Variants in BLVRA observed in about 807,000 individuals in gnomAD.
BLVRA encodes the protein biliverdin reductase A.
Under a neutral mutation model 32.8 loss-of-function variants are expected in BLVRA, and 22 were observed. The observed-to-expected ratio is 0.67, with a 90% CI of 0.48 to 0.96. The LOEUF (loss-of-function observed/expected upper bound fraction) is 0.96. Ranked by LOEUF, BLVRA falls within the 40% of genes least tolerant of loss-of-function variation. BLVRA has a pLI of 0.00. For missense variants in BLVRA, 323 were observed against 358.1 expected (o/e 0.90, Z 0.79); for synonymous variants, 119 against 141.3 (o/e 0.84, Z 1.12).
intron 1 of BLVRA, 105 bp downstream of exon 1, chr7:43,758,839 G>T (rs1473488125): frequency 6.6e-6 from 1 of 151,566 alleles, no homozygotes; most frequent in African/African-American, 2.4e-5. Context: ...GCCCGCAGGA[G>T]GCCCGGGCCC....
chr7:43,792,585 C>A, intron 4 of BLVRA, 130 bp from the exon 5 acceptor site: 2 of 864,998 alleles, frequency 2.3e-6, no homozygotes, highest in Non-Finnish European at 1.9e-6. Context: ...CTGACTCCTA[C>A]CCCCAGTCAT....
At chr7:43,788,682 G>C (rs535613905) in intron 3 of BLVRA, among the ~76,000 whole-genome samples, 1 of 151,966 alleles carries the variant, frequency 6.6e-6, no homozygotes, top group Non-Finnish European at 1.5e-5. Context: ...CAATCACAGC[G>C]CACTGCAGCC....
intron 2 of BLVRA, among the ~76,000 whole-genome samples, chr7:43,780,467 T>C (rs1191710195): frequency 6.6e-6 from 1 of 152,210 alleles, no homozygotes; most frequent in Non-Finnish European, 1.5e-5. Context: ...TCATGGAACT[T>C]ATCGCTAAGT....
At chr7:43,767,411 C>A in intron 1 of BLVRA, 1 of 1,595,680 alleles carries the variant, frequency 6.3e-7, no homozygotes, top group Non-Finnish European at 8.6e-7. Context: ...ATCACTGTTC[C>A]TATCGGGTTA....
intron 5 of BLVRA, among the ~76,000 whole-genome samples, chr7:43,797,954 G>T (rs2095794500): frequency 6.6e-6 from 1 of 151,896 alleles, no homozygotes; most frequent in Non-Finnish European, 1.5e-5. Context: ...CACTTTGGGA[G>T]GCCAAGGCAG....
chr7:43,758,339 C>T (rs140417693), upstream of BLVRA, among the ~76,000 whole-genome samples: 1 of 152,254 alleles, frequency 6.6e-6, no homozygotes, highest in East Asian at 1.9e-4. Context: ...CTGCCCCCCC[C>T]ACGCCGGGGC....
chr7:43,781,578 C>G (rs958819495), intron 2 of BLVRA, among the ~76,000 whole-genome samples: 3 of 152,152 alleles, frequency 2.0e-5, no homozygotes, highest in African/African-American at 7.2e-5. Flanking sequence ...CTCAAGTGAC[C>G]CAAATGCCTC....
At chr7:43,765,398 C>T (rs1320517369) in intron 1 of BLVRA, among the ~76,000 whole-genome samples, 1 of 152,006 alleles carries the variant, frequency 6.6e-6, no homozygotes, top group Non-Finnish European at 1.5e-5. Context: ...ATTACAGGCT[C>T]GTGCCACCAC....
In BLVRA at chr7:43,784,530, T is replaced by G. The variant is rs893957473; in HGVS notation, c.13-3374T>G. On this transcript the variant is annotated intron_variant, in intron 2 of 7. Coordinates refer to ENST00000265523, the MANE Select transcript of BLVRA (RefSeq NM_000712.4). The stretch of plus-strand genomic sequence containing the variant: ...CGTTAAAAGGCCTAACAAGTAATTT[T>G]TCTCAAAAATAAAGTTCTTCCCCTA... Among the ~76,000 whole-genome samples, 3 of 152,106 alleles carry G rather than the reference T, an allele frequency of 2.0e-5. No homozygotes were observed. The South Asian group carries it at 6.2e-4, about 32-fold the overall frequency.
chr7:43,790,111 G>A (rs1232373161), intron 3 of BLVRA, among the ~76,000 whole-genome samples: 2 of 152,098 alleles, frequency 1.3e-5, no homozygotes. Flanking sequence ...CTGCAGCTCA[G>A]CTGGAGCTCT....
rs535141721 is a variant in BLVRA at position 43,763,460 on chromosome 7, G to A, written c.-22+4726G>A. Reference sequence around the variant, plus strand: ...GACCACCAGGGACCACCATCAGCAAGGGATCCAATGTCTTTCTGCCTCTGC... The same window carrying A: ...GACCACCAGGGACCACCATCAGCAAAGGATCCAATGTCTTTCTGCCTCTGC... On this transcript the variant is annotated intron_variant, in intron 1 of 7. Coordinates refer to ENST00000265523, the MANE Select transcript of BLVRA (RefSeq NM_000712.4). Among the ~76,000 whole-genome samples the A allele has an allele frequency of 4.6e-5, 7 of 152,354 alleles. No homozygotes were observed. The East Asian group carries it at 1.2e-3, about 25-fold the overall frequency.
intron 7 of BLVRA, 57 bp from the exon 8 acceptor site, chr7:43,806,920 C>A: frequency 1.2e-6 from 2 of 1,607,692 alleles, no homozygotes; most frequent in South Asian, 2.2e-5. Context: ...CCAGCAAGCA[C>A]CCACTTGTGC....
At chr7:43,760,071 A>C (rs187880521) in intron 1 of BLVRA, 1 of 147,630 alleles carries the variant, frequency 6.8e-6, no homozygotes, top group Non-Finnish European at 1.5e-5. Context: ...GCTCACTGCA[A>C]CTTCCACCTG....
intron 7 of BLVRA, among the ~76,000 whole-genome samples, 173 bp downstream of exon 7, chr7:43,804,020 T>G (rs2095801582): frequency 6.6e-6 from 1 of 152,230 alleles, no homozygotes; most frequent in Non-Finnish European, 1.5e-5. Flanking sequence ...CATCTCATCC[T>G]CTCAGCAGCC....
At chr7:43,802,830 CG>C (rs1181477982) in intron 6 of BLVRA, among the ~76,000 whole-genome samples, 13 of 152,118 alleles carry the variant, frequency 8.5e-5, no homozygotes, top group Non-Finnish European at 1.8e-4. Context: ...CTCTGCCTCC[CG>C]GGCTAAAGTG....
chr7:43,793,860 G>A (rs1163278937), intron 5 of BLVRA, among the ~76,000 whole-genome samples: 1 of 150,956 alleles, frequency 6.6e-6, no homozygotes. Flanking sequence ...CTGACCTCGC[G>A]ATCCACCCAC....
intron 1 of BLVRA, among the ~76,000 whole-genome samples, chr7:43,759,131 C>G (rs2095739616): frequency 1.3e-5 from 2 of 152,258 alleles, no homozygotes; most frequent in South Asian, 4.1e-4. Flanking sequence ...GTAGCCACCG[C>G]AGGGCCGCTA....
At chr7:43,801,619 CT>C (rs1563552045) in intron 6 of BLVRA, among the ~76,000 whole-genome samples, 1 of 148,886 alleles carries the variant, frequency 6.7e-6, no homozygotes, top group African/African-American at 2.4e-5. Flanking sequence ...GTACAAGAAA[CT>C]GTGTTAAGTT....
At chr7:43,770,163 C>CG (rs1295977607) in intron 1 of BLVRA, among the ~76,000 whole-genome samples, 1 of 152,142 alleles carries the variant, frequency 6.6e-6, no homozygotes, top group Non-Finnish European at 1.5e-5. Context: ...GAGTGGTCAT[C>CG]GTCATCGGCT....
Sources: gnomAD v4.1 joint callset for allele counts (sites outside exome capture counted in the v4.1 genomes callset) on GRCh38, gnomAD v4.1.1 for gene constraint, MANE v1.5 for transcripts, NCBI Gene and HGNC (gene_info 2026-07-23, HGNC 2026-07-21) for gene names.